WWOX: variants seen among roughly 807,000 people sequenced by gnomAD.
WWOX encodes WW domain-containing oxidoreductase.
Under a neutral mutation model 46.2 loss-of-function variants are expected in WWOX, and 69 were observed. The ratio of observed to expected loss-of-function variants is 1.49; its 90% CI spans 1.23 to 1.82. The LOEUF (loss-of-function observed/expected upper bound fraction) is 1.82. Among genes scored for constraint, WWOX ranks in the 40% most tolerant of loss-of-function variants. The probability of loss-of-function intolerance (pLI) is 0.00; values close to 1 mark genes in which losing one functional copy is unlikely to be tolerated. For synonymous variants in WWOX, 359 were observed against 202.6 expected, an observed-to-expected ratio of 1.77 and a Z score of -6.56; for missense variants, 919 against 542.6, an observed-to-expected ratio of 1.69 and a Z score of -6.89.
chr16:78,149,313 C>T (rs1163995065), intron 4 of WWOX, among the ~76,000 whole-genome samples: 1 of 152,122 alleles, frequency 6.6e-6, no homozygotes, highest in Non-Finnish European at 1.5e-5. Flanking sequence ...TAAATTAAGT[C>T]TATAATTGTA....
chr16:78,637,089 T>C (rs939491780), intron 8 of WWOX, among the ~76,000 whole-genome samples: 1 of 152,164 alleles, frequency 6.6e-6, no homozygotes, highest in Non-Finnish European at 1.5e-5. Context: ...ATAAACTGCA[T>C]GCATGCAATG....
chr16:78,361,046 C>G (rs567283275), intron 5 of WWOX, among the ~76,000 whole-genome samples: 1 of 152,252 alleles, frequency 6.6e-6, no homozygotes, highest in Admixed American at 6.5e-5. Context: ...TGGTTTTGAG[C>G]TCCTGGGCTC....
intron 8 of WWOX, among the ~76,000 whole-genome samples, chr16:78,502,291 A>C (rs2151476694): frequency 6.6e-6 from 1 of 152,296 alleles, no homozygotes; most frequent in East Asian, 1.9e-4. Flanking sequence ...TCAGTTTTAG[A>C]ACATTTTCAT....
At chr16:78,634,901 T>C (rs1261532376) in intron 8 of WWOX, among the ~76,000 whole-genome samples, 1 of 150,936 alleles carries the variant, frequency 6.6e-6, no homozygotes, top group Non-Finnish European at 1.5e-5. Context: ...CGCTGGTGTT[T>C]AGGTGGGCTT....
intron 8 of WWOX, among the ~76,000 whole-genome samples, chr16:78,644,753 G>C (rs1358937860): frequency 6.6e-6 from 1 of 152,206 alleles, no homozygotes; most frequent in East Asian, 1.9e-4. Flanking sequence ...GTGAGCCACT[G>C]TGCCCAGCCA....
intron 8 of WWOX, among the ~76,000 whole-genome samples, chr16:78,856,181 A>G (rs1402973064): frequency 6.6e-6 from 1 of 152,172 alleles, no homozygotes; most frequent in Non-Finnish European, 1.5e-5. Flanking sequence ...TTTTTGGTGC[A>G]TAAAGGGCCA....
chr16:78,220,872 A>T (rs970465727), intron 5 of WWOX, among the ~76,000 whole-genome samples: 1 of 152,152 alleles, frequency 6.6e-6, no homozygotes, highest in African/African-American at 2.4e-5. Context: ...CACTCTGGCA[A>T]TTTCTTTTTG....
At chr16:78,392,628 A>G (rs1208224103) in intron 6 of WWOX, among the ~76,000 whole-genome samples, 2 of 152,012 alleles carry the variant, frequency 1.3e-5, no homozygotes, top group Non-Finnish European at 1.5e-5. Flanking sequence ...TACTTTGGTG[A>G]TTGCATCTCT....
At chr16:79,097,508 G>T (rs767994760) in intron 8 of WWOX, among the ~76,000 whole-genome samples, 4 of 152,174 alleles carry the variant, frequency 2.6e-5, no homozygotes, top group African/African-American at 4.8e-5. Context: ...TGGCACCGCA[G>T]CGCTATCATA....
intron 8 of WWOX, among the ~76,000 whole-genome samples, chr16:78,779,966 C>T (rs1450353676): frequency 2.6e-5 from 4 of 152,170 alleles, no homozygotes; most frequent in Non-Finnish European, 5.9e-5. Context: ...AGACCAAGCC[C>T]TTTCTTGTTT....
chr16:78,389,714 C>T (rs1044693884), intron 6 of WWOX, among the ~76,000 whole-genome samples: 2 of 152,050 alleles, frequency 1.3e-5, no homozygotes, highest in African/African-American at 2.4e-5. Flanking sequence ...ACGGCTCCAA[C>T]TTGACCACCG....
chr16:79,030,895 G>A (rs2047739426), intron 8 of WWOX, among the ~76,000 whole-genome samples: 1 of 151,932 alleles, frequency 6.6e-6, no homozygotes, highest in Admixed American at 6.6e-5. Context: ...CCAGCTTAGG[G>A]AACATAGTGA....
At chr16:78,796,249 C>A (rs2050734799) in intron 8 of WWOX, among the ~76,000 whole-genome samples, 1 of 152,224 alleles carries the variant, frequency 6.6e-6, no homozygotes, top group African/African-American at 2.4e-5. Flanking sequence ...ACTGGCCTCC[C>A]ATACTGTGAT....
chr16:79,192,575 G>A (rs1034717722), intron 8 of WWOX, among the ~76,000 whole-genome samples: 1 of 152,240 alleles, frequency 6.6e-6, no homozygotes, highest in Non-Finnish European at 1.5e-5. Flanking sequence ...TTAGCATGGA[G>A]AGATTTCTCT....
chr16:78,868,661 C>G (rs2044059659), intron 8 of WWOX, among the ~76,000 whole-genome samples: 1 of 152,110 alleles, frequency 6.6e-6, no homozygotes, highest in South Asian at 2.1e-4. Context: ...ATCTGTCCAA[C>G]AGTTTAGCAA....
chr16:79,207,488 TCTA>T (rs1423154364), intron 8 of WWOX, among the ~76,000 whole-genome samples: 4 of 152,230 alleles, frequency 2.6e-5, no homozygotes, highest in Non-Finnish European at 5.9e-5. Context: ...CTTTCATAAC[TCTA>T]CTTTTTGCAT....
chr16:78,999,948 C>A (rs1486928430), intron 8 of WWOX, among the ~76,000 whole-genome samples: 1 of 152,118 alleles, frequency 6.6e-6, no homozygotes, highest in Non-Finnish European at 1.5e-5. Flanking sequence ...CATATTTTCA[C>A]CGGGAGCATT....
At chr16:78,361,348 G>A (rs946220710) in intron 5 of WWOX, among the ~76,000 whole-genome samples, 2 of 152,148 alleles carry the variant, frequency 1.3e-5, no homozygotes, top group African/African-American at 4.8e-5. Flanking sequence ...TTAAGGTGAT[G>A]TCTGCTGAGT....
chr16:79,170,958 G>C (rs4888932), intron 8 of WWOX, among the ~76,000 whole-genome samples: 70,848 of 151,988 alleles, frequency 0.47, 17,104 homozygotes, highest in East Asian at 0.74. Flanking sequence ...AAATATTCCT[G>C]CATGCACACT....
Sources: allele counts gnomAD v4.1 joint callset (sites outside exome capture counted in the v4.1 genomes callset), GRCh38; gene constraint gnomAD v4.1.1; transcripts MANE v1.5; gene names NCBI Gene and HGNC (gene_info 2026-07-23, HGNC 2026-07-21).